FGD6: variants seen among roughly 807,000 people sequenced by gnomAD.
The protein encoded by FGD6 is FYVE, RhoGEF and PH domain-containing protein 6.
Under a neutral mutation model 149.4 loss-of-function variants are expected in FGD6, and 90 were observed. That is an observed-to-expected ratio of 0.60 (90% CI 0.51 to 0.72). The LOEUF (loss-of-function observed/expected upper bound fraction) is 0.72. Among genes scored for constraint, FGD6 ranks in the 30% least tolerant of loss-of-function variants. FGD6 has a pLI of 0.00. For synonymous variants in FGD6, 527 were observed against 584.0 expected, an observed-to-expected ratio of 0.90 and a Z score of 1.41; for missense variants, 1,437 against 1,684.8, an observed-to-expected ratio of 0.85 and a Z score of 2.57.
chr12:95,087,172 A>G (rs1159484432), intron 18 of FGD6, among the ~76,000 whole-genome samples: 2 of 152,148 alleles, frequency 1.3e-5, no homozygotes, highest in Admixed American at 6.6e-5. Context: ...GTTCTTAAAA[A>G]TGTAGGAGTA....
rs562764426 is a variant in FGD6, at chr12:95,181,239, C to T, written c.2442-8495G>A. On this transcript the variant is annotated intron_variant, in intron 2 of 20. Coordinates refer to ENST00000343958, the MANE Select transcript of FGD6 (RefSeq NM_018351.4). ...GAGTAACCACACAACTTGTTGACTA[C>T]GTCACAGTGAACAGCAACATAATAA... is the stretch of plus-strand genomic sequence containing the variant. 1.8e-4 allele frequency among the ~76,000 whole-genome samples: 27 copies of T among 152,292 alleles called. No homozygotes were observed. In the East Asian group the frequency reaches 4.1e-3, roughly 23 times the overall value.
intron 20 of FGD6, among the ~76,000 whole-genome samples, chr12:95,083,028 T>TACACACACACACACAC (rs1275300348): frequency 5.9e-5 from 4 of 67,852 alleles, no homozygotes; most frequent in African/African-American, 2.0e-4. Context: ...TATATATATA[T>TACACACACACACACAC]ATACACACAC....
At chr12:95,100,604 T>A (rs1378875619) in intron 14 of FGD6, 2 of 489,590 alleles carry the variant, frequency 4.1e-6, no homozygotes, top group African/African-American at 2.0e-5. Flanking sequence ...TCCTGTGGCA[T>A]TCTTTTTTCC....
intron 5 of FGD6, among the ~76,000 whole-genome samples, chr12:95,146,596 C>T (rs189957934): frequency 6.6e-6 from 1 of 152,210 alleles, no homozygotes; most frequent in East Asian, 1.9e-4. Context: ...TCAAGTACCT[C>T]GACTTCATCC....
At position 95,193,589 on chromosome 12, in the gene FGD6, C is replaced by T. The variant is rs140067144; in HGVS notation, c.2441+15254G>A. Among the ~76,000 whole-genome samples the T allele has an allele frequency of 2.2e-4, 33 of 148,854 alleles. No individual in the cohort carries two copies. In the East Asian group the frequency reaches 6.1e-3, roughly 28 times the overall value. ...TGTTGCCCAGGCTGGAGTGTAGTGGCGTGATCTTGGCTCACTGCAACTTCT... is the reference window on the plus strand; with the variant it reads ...TGTTGCCCAGGCTGGAGTGTAGTGGTGTGATCTTGGCTCACTGCAACTTCT... On this transcript the variant is annotated intron_variant, in intron 2 of 20. Transcript: ENST00000343958.
At chr12:95,092,999 T>A (rs762628560) in intron 15 of FGD6, among the ~76,000 whole-genome samples, 154 bp from the exon 16 acceptor site, 1 of 151,868 alleles carries the variant, frequency 6.6e-6, no homozygotes, top group African/African-American at 2.4e-5. Context: ...GTCGAGTGGA[T>A]CACATGAGGT....
At chr12:95,110,222 C>T (rs1482698209) in intron 9 of FGD6, among the ~76,000 whole-genome samples, 3 of 151,960 alleles carry the variant, frequency 2.0e-5, no homozygotes, top group Non-Finnish European at 4.4e-5. Context: ...GTGATCCGCC[C>T]GCCTCAGCCT....
intron 15 of FGD6, 65 bp from the exon 16 acceptor site, chr12:95,092,910 G>A (rs768717976): frequency 1.3e-6 from 2 of 1,522,270 alleles, no homozygotes; most frequent in Non-Finnish European, 1.8e-6. Context: ...TTCGGCAGTG[G>A]CATCTCACAC....
chr12:95,123,562 T>C (rs747982985), intron 8 of FGD6, among the ~76,000 whole-genome samples: 1 of 142,270 alleles, frequency 7.0e-6, no homozygotes, highest in African/African-American at 2.8e-5. Context: ...AAAGTCAATA[T>C]ACATTTTTTT....
chr12:95,095,318 A>G (rs1438751863), intron 14 of FGD6, among the ~76,000 whole-genome samples: 1 of 152,028 alleles, frequency 6.6e-6, no homozygotes, highest in Non-Finnish European at 1.5e-5. Context: ...GGTATCTTTA[A>G]TTCAGCGCTA....
In FGD6 at chr12:95,176,526, G is replaced by T. The variant is rs570953498; in HGVS notation, c.2442-3782C>A. ...AGATTTGCTTCTGCAAGAAGCCACAGTTTCTAGAAAATCAGTTTGTTTCCA... is the reference window on the plus strand; with the variant it reads ...AGATTTGCTTCTGCAAGAAGCCACATTTTCTAGAAAATCAGTTTGTTTCCA... On this transcript the variant is annotated intron_variant, in intron 2 of 20. Transcript: ENST00000343958. Among the ~76,000 whole-genome samples, 27 of 152,316 alleles carry T rather than the reference G, an allele frequency of 1.8e-4. No homozygotes were observed. The South Asian group carries it at 5.4e-3, about 30-fold the overall frequency.
chr12:95,188,199 C>A (rs1180226359), intron 2 of FGD6, among the ~76,000 whole-genome samples: 2 of 152,120 alleles, frequency 1.3e-5, no homozygotes. Flanking sequence ...TTTCATATTG[C>A]ACTGAACTAG....
At chr12:95,152,096 C>T (rs1207660867) in intron 5 of FGD6, among the ~76,000 whole-genome samples, 12 of 151,984 alleles carry the variant, frequency 7.9e-5, no homozygotes, top group African/African-American at 2.9e-4. Flanking sequence ...GAGGCCAAGG[C>T]GGGTTGATCA....
chr12:95,186,685 C>A (rs1881446922), intron 2 of FGD6, among the ~76,000 whole-genome samples: 1 of 152,110 alleles, frequency 6.6e-6, no homozygotes, highest in African/African-American at 2.4e-5. Flanking sequence ...AGACCTATGG[C>A]CTGCAAAGTC....
intron 2 of FGD6, among the ~76,000 whole-genome samples, chr12:95,185,202 T>TA (rs1167321224): frequency 6.6e-6 from 1 of 152,100 alleles, no homozygotes; most frequent in African/African-American, 2.4e-5. Context: ...CATCAGTGAG[T>TA]CCTTACACCA....
At chr12:95,116,584 A>T (rs7977572) in intron 8 of FGD6, among the ~76,000 whole-genome samples, 1 of 152,014 alleles carries the variant, frequency 6.6e-6, no homozygotes, top group Non-Finnish European at 1.5e-5. Context: ...GTACTCAAAC[A>T]TGAACTTTTA....
rs374725322 is a variant in FGD6, at chr12:95,144,967, G to T, written c.2686-3428C>A. ...GCCTCTGAAAGTGCTGGGATTACAG[G>T]CGTGAGCCACCGCACCCGGCCTTTT... On this transcript the variant is annotated intron_variant, in intron 5 of 20. Transcript: ENST00000343958. 1.4e-4 allele frequency among the ~76,000 whole-genome samples: 21 copies of T among 149,272 alleles called. No homozygotes were observed. The East Asian group carries it at 1.6e-3, about 11-fold the overall frequency.
chr12:95,081,683 G>GT (rs1276222486), intron 20 of FGD6, 127 bp from the exon 21 acceptor site: 4 of 279,262 alleles, frequency 1.4e-5, no homozygotes, highest in East Asian at 5.9e-5. Flanking sequence ...ATATATATAT[G>GT]TATTTTTTTT....
At chr12:95,082,523 G>C (rs1246624062) in intron 20 of FGD6, among the ~76,000 whole-genome samples, 1 of 151,776 alleles carries the variant, frequency 6.6e-6, no homozygotes, top group Non-Finnish European at 1.5e-5. Context: ...TGGGCGTGGT[G>C]GTGTGCGCCT....
Sources: gnomAD v4.1 joint callset for allele counts (sites outside exome capture counted in the v4.1 genomes callset) on GRCh38, gnomAD v4.1.1 for gene constraint, MANE v1.5 for transcripts, NCBI Gene and HGNC (gene_info 2026-07-23, HGNC 2026-07-21) for gene names.